Variants in AHCYL2 observed in about 807,000 individuals in gnomAD.
The protein encoded by AHCYL2 is S-adenosylhomocysteine hydrolase-like protein 2.
AHCYL2 carries 28 observed loss-of-function variants against 81.4 expected under a neutral mutation model. That is an observed-to-expected ratio of 0.34 (90% CI 0.25 to 0.47). AHCYL2 has a LOEUF of 0.47. Ranked by LOEUF, AHCYL2 falls within the 20% of genes least tolerant of loss-of-function variation. The pLI is 1.00. For missense variants in AHCYL2, 551 were observed against 785.1 expected (o/e 0.70, Z 3.56); for synonymous variants, 272 against 290.2 (o/e 0.94, Z 0.64).
rs541303251 is a variant in AHCYL2 at position 129,228,796 on chromosome 7, T to C, written c.363+3357T>C. 4.1e-4 allele frequency among the ~76,000 whole-genome samples: 63 copies of C among 152,392 alleles called. 1 individual carries two copies. Among genetic ancestry groups the C allele is most frequent in the Middle Eastern group, 3.4e-3 (1 of 294 alleles). ...TGACCGTGTTCAAACAGACCCTTTA[T>C]TGCTTTTGGCAAACATATCCACCTT... On this transcript the variant is annotated intron_variant, in intron 1 of 16. Transcript: ENST00000325006.
chr7:129,265,579 A>G (rs1795788631), intron 1 of AHCYL2, among the ~76,000 whole-genome samples: 1 of 152,188 alleles, frequency 6.6e-6, no homozygotes, highest in African/African-American at 2.4e-5. Context: ...GCAAGGAGGC[A>G]CGTGCAGCTG....
intron 1 of AHCYL2, among the ~76,000 whole-genome samples, chr7:129,281,260 T>G (rs1384557692): frequency 6.6e-6 from 1 of 152,156 alleles, no homozygotes; most frequent in Non-Finnish European, 1.5e-5. Context: ...GGGCTTGGTT[T>G]GCTGAAATTT....
chr7:129,362,851 TTCA>T (rs1793981797), intron 1 of AHCYL2, among the ~76,000 whole-genome samples: 1 of 152,134 alleles, frequency 6.6e-6, no homozygotes, highest in Admixed American at 6.5e-5. Flanking sequence ...AGGTTCCAGA[TTCA>T]TCACCTTTTG....
At chr7:129,387,857 T>C (rs1795271458) in intron 2 of AHCYL2, among the ~76,000 whole-genome samples, 1 of 152,184 alleles carries the variant, frequency 6.6e-6, no homozygotes, top group Non-Finnish European at 1.5e-5. Context: ...TTCATTCCTG[T>C]TGCCTCGTGT....
At chr7:129,388,495 C>CAA (rs1288733887) in intron 2 of AHCYL2, among the ~76,000 whole-genome samples, 3 of 152,198 alleles carry the variant, frequency 2.0e-5, no homozygotes, top group Non-Finnish European at 4.4e-5. Flanking sequence ...ACATTGAATA[C>CAA]TTCATTGTCA....
At chr7:129,320,796 C>G (rs1008751271) in intron 1 of AHCYL2, among the ~76,000 whole-genome samples, 4 of 152,182 alleles carry the variant, frequency 2.6e-5, no homozygotes, top group African/African-American at 9.7e-5. Flanking sequence ...TTCCTCCCCC[C>G]AGCCCCTGGC....
intron 4 of AHCYL2, among the ~76,000 whole-genome samples, chr7:129,393,904 C>T (rs1795586688): frequency 1.3e-5 from 2 of 152,192 alleles, no homozygotes; most frequent in Non-Finnish European, 2.9e-5. Flanking sequence ...GGGAAAGAAT[C>T]CATAGACTCC....
chr7:129,402,338 A>G (rs1796077392), intron 6 of AHCYL2, among the ~76,000 whole-genome samples: 1 of 152,208 alleles, frequency 6.6e-6, no homozygotes, highest in East Asian at 1.9e-4. Context: ...GAGCAAAAGC[A>G]AAAAAGAGAT....
intron 1 of AHCYL2, among the ~76,000 whole-genome samples, chr7:129,365,516 C>T (rs1433244553): frequency 6.6e-6 from 1 of 151,806 alleles, no homozygotes; most frequent in African/African-American, 2.4e-5. Context: ...GTGGCAGAGG[C>T]AGGATTCTAA....
chr7:129,377,723 A>G (rs908239117), intron 1 of AHCYL2: 2 of 406,502 alleles, frequency 4.9e-6, no homozygotes, highest in Non-Finnish European at 9.8e-6. Flanking sequence ...AAAACAAAAA[A>G]GTTATTAGTT....
intron 1 of AHCYL2, among the ~76,000 whole-genome samples, chr7:129,287,453 T>G (rs1454724807): frequency 6.6e-6 from 1 of 152,172 alleles, no homozygotes; most frequent in Non-Finnish European, 1.5e-5. Context: ...AGAATTGAAG[T>G]GGGTGGTATA....
intron 1 of AHCYL2, among the ~76,000 whole-genome samples, chr7:129,345,602 C>T (rs1267545315): frequency 1.3e-5 from 2 of 152,134 alleles, no homozygotes; most frequent in African/African-American, 4.8e-5. Flanking sequence ...TTGCTTTAGT[C>T]TAGACCGTTG....
In AHCYL2 at chr7:129,273,321, C is replaced by CTTTTTT. The variant is rs35236990; in HGVS notation, c.363+47901_363+47906dup. On this transcript the variant is annotated intron_variant, in intron 1 of 16. Transcript: ENST00000325006. ...GCAACTGTAAATCCCTTTGCTAAGA[C>CTTTTTT]TTTTTTTTTTTTTTTTTTTTTTTTG... is the stretch of plus-strand genomic sequence containing the variant. Among the ~76,000 whole-genome samples the CTTTTTT allele has an allele frequency of 1.1e-3, 83 of 75,888 alleles. 1 individual carries two copies. The highest frequency in any genetic ancestry group is 1.6e-3 in the African/African-American group (29 of 18,420). 49.8% of individuals were successfully genotyped at this position (75,888 alleles called of 152,430 possible). A position where few individuals can be genotyped will look rare whatever the true frequency, so the allele number is the denominator to read the frequency against.
intron 1 of AHCYL2, among the ~76,000 whole-genome samples, chr7:129,330,984 G>A (rs542503153): frequency 3.3e-5 from 5 of 152,274 alleles, no homozygotes; most frequent in Admixed American, 2.0e-4. Context: ...GAAGCCATCA[G>A]AGATTGTTTT....
chr7:129,277,917 GT>G (rs1311255995), intron 1 of AHCYL2, among the ~76,000 whole-genome samples: 1 of 152,142 alleles, frequency 6.6e-6, no homozygotes, highest in East Asian at 1.9e-4. Flanking sequence ...TTAGAGATAT[GT>G]TTTTGTTCCT....
chr7:129,231,678 T>C (rs957075496), intron 1 of AHCYL2, among the ~76,000 whole-genome samples: 2 of 152,194 alleles, frequency 1.3e-5, no homozygotes, highest in Non-Finnish European at 2.9e-5. Context: ...TTAGTAAACT[T>C]GATCAGATTT....
chr7:129,272,293 A>G (rs904295712), intron 1 of AHCYL2, among the ~76,000 whole-genome samples: 3 of 152,170 alleles, frequency 2.0e-5, no homozygotes, highest in African/African-American at 7.2e-5. Context: ...GTTATCCTCA[A>G]TCAATGGAGC....
chr7:129,315,471 C>T (rs1005693634), intron 1 of AHCYL2, among the ~76,000 whole-genome samples: 1 of 152,214 alleles, frequency 6.6e-6, no homozygotes, highest in African/African-American at 2.4e-5. Context: ...GAATTTCTCT[C>T]TGATTGAAAT....
At position 129,301,250 on chromosome 7, in the gene AHCYL2, T is replaced by G. The variant is rs567171742; in HGVS notation, c.363+75811T>G. Among the ~76,000 whole-genome samples, 4 of 152,362 alleles carry G rather than the reference T, an allele frequency of 2.6e-5. No homozygotes were observed. In the South Asian group the frequency reaches 8.3e-4, roughly 32 times the overall value. On this transcript the variant is annotated intron_variant, in intron 1 of 16. Transcript: ENST00000325006. ...AGGGTTGTTTGAGCTCCTTATATAT[T>G]ATGGTTATTAATCCTTTGTCAGATG...
Sources: allele counts gnomAD v4.1 joint callset (sites outside exome capture counted in the v4.1 genomes callset), GRCh38; gene constraint gnomAD v4.1.1; transcripts MANE v1.5; gene names NCBI Gene and HGNC (gene_info 2026-07-23, HGNC 2026-07-21).